CSMD3: variants seen among roughly 807,000 people sequenced by gnomAD.
CSMD3 encodes CUB and Sushi multiple domains 3.
Under a neutral mutation model 435.2 loss-of-function variants are expected in CSMD3, and 177 were observed. The observed-to-expected ratio is 0.41, with a 90% confidence interval of 0.36 to 0.46. The LOEUF (loss-of-function observed/expected upper bound fraction) is 0.46. Among genes scored for constraint, CSMD3 ranks in the 20% least tolerant of loss-of-function variants. The pLI, the probability that CSMD3 is intolerant of heterozygous loss-of-function variation, is 0.34. For synonymous variants in CSMD3, 1,656 were observed against 1,520.5 expected (o/e 1.09, Z -2.07); for missense variants, 4,265 against 4,504.6 (o/e 0.95, Z 1.52).
At chr8:112,255,075 C>T (rs1022466105) in intron 62 of CSMD3, among the ~76,000 whole-genome samples, 179 bp downstream of exon 62, 3 of 152,014 alleles carry the variant, frequency 2.0e-5, no homozygotes, top group Admixed American at 1.3e-4. Flanking sequence ...GTTTAAAGTG[C>T]TAAAATTAAT....
At chr8:113,265,884 G>A (rs1055268009) in intron 3 of CSMD3, among the ~76,000 whole-genome samples, 1 of 151,442 alleles carries the variant, frequency 6.6e-6, no homozygotes, top group African/African-American at 2.4e-5. Flanking sequence ...AAAGGTCAAG[G>A]TCTTTGCAGG....
chr8:112,939,840 G>A (rs1263411219), intron 9 of CSMD3, among the ~76,000 whole-genome samples: 3 of 151,918 alleles, frequency 2.0e-5, no homozygotes, highest in African/African-American at 7.2e-5. Context: ...AAAATGGGTA[G>A]TCAATGGCTA....
intron 1 of CSMD3, among the ~76,000 whole-genome samples, chr8:113,353,820 T>G (rs967728323): frequency 3.9e-5 from 6 of 152,120 alleles, no homozygotes; most frequent in Non-Finnish European, 7.4e-5. Context: ...TTTATGCTAT[T>G]CTATTTTGAA....
At chr8:112,570,698 C>A (rs72676658) in intron 24 of CSMD3, among the ~76,000 whole-genome samples, 2,739 of 152,208 alleles carry the variant, frequency 0.018, 43 homozygotes, top group Middle Eastern at 0.048. Context: ...TATTTAGGAA[C>A]AAATACACTT....
At chr8:112,530,782 G>A (rs1185366746) in intron 27 of CSMD3, among the ~76,000 whole-genome samples, 1 of 152,180 alleles carries the variant, frequency 6.6e-6, no homozygotes, top group Non-Finnish European at 1.5e-5. Flanking sequence ...GAATTCCAAA[G>A]CCCTTGACTC....
rs545178734 is a variant in CSMD3, at chr8:112,958,691, T to C, written c.1343-3930A>G. Among the ~76,000 whole-genome samples, 86 of 152,320 alleles carry C rather than the reference T, an allele frequency of 5.6e-4. 1 individual carries two copies. In the South Asian group the frequency reaches 0.017, roughly 29 times the overall value. On this transcript the variant is annotated intron_variant, in intron 7 of 70. Coordinates refer to ENST00000297405, the MANE Select transcript of CSMD3 (RefSeq NM_198123.2). ...ATGATTTAAATTAAAATGCCTACTA[T>C]AAAAATTAACCATATATTCACGCAT...
Position 112,573,632 on chromosome 8 carries a change from G to A in CSMD3, c.3911C>T (p.Thr1304Ile), listed in dbSNP as rs143652338. Residue 1304 changes from threonine to isoleucine, a missense_variant, in exon 24 of 71, where the codon ACT becomes ATT. Thr to Ile is a moderately conservative substitution (Grantham distance 89). This residue lies in a region of CSMD3 where 3,255 missense variants were observed against 3,380.2 expected (regional missense o/e 0.96). Coordinates refer to ENST00000297405, the MANE Select transcript of CSMD3 (RefSeq NM_198123.2). The stretch of plus-strand genomic sequence containing the variant: ...ACCAGTAAAAGCACCTAGTAGATGA[G>A]TCGTTTTATCTTTTCCATCATAAAT... ...LKIYDGKDKT[T>I]HLLGAFTGAS... The A allele has an allele frequency of 1.2e-6, 2 of 1,612,554 alleles. No homozygotes were observed. Among genetic ancestry groups the A allele is most frequent in the Non-Finnish European group, 1.7e-6 (2 of 1,178,766 alleles).
At chr8:113,177,576 G>A (rs2092364987) in intron 3 of CSMD3, among the ~76,000 whole-genome samples, 1 of 151,914 alleles carries the variant, frequency 6.6e-6, no homozygotes, top group South Asian at 2.1e-4. Flanking sequence ...AGTAGGGGAG[G>A]CAGTACTTTA....
Position 112,603,394 on chromosome 8 carries a change from T to A in CSMD3, c.3716-16159A>T, listed in dbSNP as rs767318778. Among the ~76,000 whole-genome samples, 4 of 152,226 alleles carry A rather than the reference T, an allele frequency of 2.6e-5. No homozygotes were observed. In the South Asian group the frequency reaches 8.3e-4, roughly 31 times the overall value. On this transcript the variant is annotated intron_variant, in intron 22 of 70. Coordinates refer to ENST00000297405, the MANE Select transcript of CSMD3 (RefSeq NM_198123.2). Reference sequence around the variant, plus strand: ...TGATGTGGAGATGACTGATGCTACATGGTACTTTAAGCAATACTTGCAACA... The same window carrying A: ...TGATGTGGAGATGACTGATGCTACAAGGTACTTTAAGCAATACTTGCAACA...
intron 1 of CSMD3, among the ~76,000 whole-genome samples, chr8:113,404,709 C>T (rs2094525035): frequency 6.6e-6 from 1 of 151,310 alleles, no homozygotes; most frequent in Non-Finnish European, 1.5e-5. Flanking sequence ...CACAGATGTA[C>T]ACTCCTGTGT....
intron 1 of CSMD3, among the ~76,000 whole-genome samples, chr8:113,399,679 A>T (rs562346147): frequency 6.8e-4 from 103 of 152,004 alleles, no homozygotes; most frequent in Non-Finnish European, 1.1e-3. Flanking sequence ...TCTAATAGAT[A>T]CAGAGTTTCT....
At chr8:112,359,563 C>T (rs1826973293) in intron 38 of CSMD3, among the ~76,000 whole-genome samples, 1 of 151,940 alleles carries the variant, frequency 6.6e-6, no homozygotes, top group African/African-American at 2.4e-5. Flanking sequence ...CCTAATTATG[C>T]AAAGGAAAGC....
intron 61 of CSMD3, among the ~76,000 whole-genome samples, chr8:112,257,311 T>C (rs996416467): frequency 3.3e-5 from 5 of 152,086 alleles, no homozygotes; most frequent in African/African-American, 1.2e-4. Flanking sequence ...TAAATAAGGG[T>C]ATTCAAATAG....
At chr8:112,286,559 T>G (rs952156708) in intron 58 of CSMD3, among the ~76,000 whole-genome samples, 1 of 152,174 alleles carries the variant, frequency 6.6e-6, no homozygotes, top group African/African-American at 2.4e-5. Context: ...AGAGACCATA[T>G]TCACATAACT....
chr8:112,819,314 A>G (rs1343596219), intron 12 of CSMD3, among the ~76,000 whole-genome samples: 2 of 152,110 alleles, frequency 1.3e-5, no homozygotes, highest in African/African-American at 4.8e-5. Context: ...AATGGAGTTG[A>G]AGTTGAGAGG....
At chr8:112,391,037 A>C (rs984179391) in intron 35 of CSMD3, among the ~76,000 whole-genome samples, 1 of 152,200 alleles carries the variant, frequency 6.6e-6, no homozygotes, top group African/African-American at 2.4e-5. Context: ...TAACTCAATA[A>C]CAGCATAGTA....
chr8:112,719,953 T>C (rs2076821081), intron 13 of CSMD3, among the ~76,000 whole-genome samples: 1 of 152,116 alleles, frequency 6.6e-6, no homozygotes, highest in Admixed American at 6.6e-5. Flanking sequence ...GTCAATTAGG[T>C]AAGATTTAAA....
intron 3 of CSMD3, among the ~76,000 whole-genome samples, chr8:113,180,493 C>A (rs1479564574): frequency 6.6e-6 from 1 of 151,984 alleles, no homozygotes; most frequent in Non-Finnish European, 1.5e-5. Flanking sequence ...TATACATTTA[C>A]TTCCTCACCA....
intron 47 of CSMD3, 129 bp from the exon 48 acceptor site, chr8:112,314,746 G>C (rs1250229374): frequency 1.4e-6 from 1 of 712,310 alleles, no homozygotes; most frequent in Non-Finnish European, 2.5e-6. Context: ...TTATTTGTTA[G>C]AAGAGACAAG....
Sources: gnomAD v4.1 joint callset for allele counts (sites outside exome capture counted in the v4.1 genomes callset) on GRCh38, gnomAD v4.1.1 for gene constraint, gnomAD v4.1.1 regional missense constraint, MANE v1.5 for transcripts, NCBI Gene and HGNC (gene_info 2026-07-23, HGNC 2026-07-21) for gene names.